The following RMP64 variants were observed in gnomAD, a reference collection of about 807,000 sequenced individuals.
The protein encoded by RMP64 is ribonuclease MRP subunit p64.
the RMP64 span, among the ~76,000 whole-genome samples, chr3:113,015,558 C>CT: frequency 6.6e-6 from 1 of 150,936 alleles, no homozygotes; most frequent in African/African-American, 2.4e-5. Flanking sequence ...CCAGCATGCC[C>CT]TACATGTACT....
the RMP64 span, chr3:113,005,924 T>A: frequency 1.2e-6 from 2 of 1,613,744 alleles, no homozygotes; most frequent in Non-Finnish European, 1.7e-6. Context: ...TCTCAGATGA[T>A]GCTTTGAAGT....
At chr3:113,017,327 T>C in the RMP64 span, 1 of 823,232 alleles carries the variant, frequency 1.2e-6, no homozygotes, top group South Asian at 2.3e-5. Context: ...TATAGGCCTA[T>C]AAAACACAAG....
the RMP64 span, among the ~76,000 whole-genome samples, chr3:113,007,146 C>T: frequency 6.6e-6 from 1 of 152,074 alleles, no homozygotes; most frequent in Non-Finnish European, 1.5e-5. Context: ...TCTCAGGCTG[C>T]GTCTCCAGCC....
chr3:113,015,983 C>T, the RMP64 span, among the ~76,000 whole-genome samples: 233 of 152,186 alleles, frequency 1.5e-3, no homozygotes, highest in Non-Finnish European at 2.8e-3. Context: ...ATAGGAAGGC[C>T]TTTAACAGGC....
the RMP64 span, chr3:113,005,483 A>C: frequency 8.5e-7 from 1 of 1,177,118 alleles, no homozygotes; most frequent in South Asian, 1.3e-5. Context: ...TTCTACTTAG[A>C]ACACTGAACT....
At chr3:113,003,203 G>A in the RMP64 span, 2 of 152,162 alleles carry the variant, frequency 1.3e-5, no homozygotes, top group African/African-American at 4.8e-5. Context: ...AAATTAGCCA[G>A]GGCATGGTGG....
the RMP64 span, chr3:113,005,917 C>CA: frequency 5.6e-6 from 9 of 1,613,874 alleles, no homozygotes; most frequent in South Asian, 6.6e-5. Flanking sequence ...TTCTCTGTCT[C>CA]AGATGATGCT....
At chr3:113,010,759 C>T in the RMP64 span, 1 of 1,425,924 alleles carries the variant, frequency 7.0e-7, no homozygotes, top group Non-Finnish European at 9.8e-7. Context: ...ATTTTCAAAT[C>T]TACAACAAAT....
the RMP64 span, chr3:113,003,881 G>GAATC: frequency 1.3e-5 from 2 of 152,128 alleles, no homozygotes; most frequent in Non-Finnish European, 2.9e-5. Flanking sequence ...GTTTTTTTCT[G>GAATC]AATCAGCTAA....
chr3:113,013,285 A>T, the RMP64 span: 1 of 1,613,634 alleles, frequency 6.2e-7, no homozygotes, highest in South Asian at 1.1e-5. Context: ...AAAGTTTTGC[A>T]GCAGCAGTCC....
At chr3:113,010,962 A>G in the RMP64 span, 2 of 1,231,244 alleles carry the variant, frequency 1.6e-6, no homozygotes, top group Non-Finnish European at 2.3e-6. Context: ...CTTTCTATGC[A>G]ATGCATGACT....
the RMP64 span, chr3:113,005,533 C>T: frequency 1.3e-6 from 2 of 1,570,438 alleles, no homozygotes; most frequent in South Asian, 1.1e-5. Context: ...TATGAACGAA[C>T]ATCTAAACTC....
chr3:113,013,451 G>GC, the RMP64 span: 1 of 1,260,880 alleles, frequency 7.9e-7, no homozygotes, highest in Non-Finnish European at 1.1e-6. Context: ...AAAAAAAAGG[G>GC]TTTTTTTTTT....
chr3:113,009,393 A>G, the RMP64 span: 1 of 152,266 alleles, frequency 6.6e-6, no homozygotes, highest in African/African-American at 2.4e-5. Context: ...CAATAGAAGT[A>G]GTTTGCTTTA....
chr3:113,014,800 T>C, the RMP64 span: 1 of 152,216 alleles, frequency 6.6e-6, no homozygotes, highest in East Asian at 1.9e-4. Flanking sequence ...TAGATGAAGC[T>C]TGTTCTTATG....
At chr3:113,013,857 T>C in the RMP64 span, 21 of 892,472 alleles carry the variant, frequency 2.4e-5, no homozygotes, top group Admixed American at 1.2e-4. Context: ...TAATTGGTTA[T>C]ATTCCAACAG....
At chr3:113,007,044 G>GTT in the RMP64 span, among the ~76,000 whole-genome samples, 1 of 152,148 alleles carries the variant, frequency 6.6e-6, no homozygotes, top group African/African-American at 2.4e-5. Context: ...ATAAACACCA[G>GTT]TTTGCTACCC....
At chr3:113,010,634 C>T in the RMP64 span, 1 of 1,608,952 alleles carries the variant, frequency 6.2e-7, no homozygotes, top group African/African-American at 1.3e-5. Context: ...TTAATGAAGC[C>T]AGACAAACCT....
At chr3:113,008,299 T>C in the RMP64 span, 1 of 1,614,210 alleles carries the variant, frequency 6.2e-7, no homozygotes, top group Non-Finnish European at 8.5e-7. Context: ...CTTCAGAAAG[T>C]TGTGTGAAGG....
Sources: allele counts gnomAD v4.1 joint callset (sites outside exome capture counted in the v4.1 genomes callset), GRCh38; gene constraint gnomAD v4.1.1; transcripts MANE v1.5; gene names NCBI Gene and HGNC (gene_info 2026-07-23, HGNC 2026-07-21).